The following ZNF804B variants were observed in gnomAD, a reference collection of about 807,000 sequenced individuals.
The protein encoded by ZNF804B is zinc finger 804B.
ZNF804B carries 80 observed loss-of-function variants against 101.4 expected under a neutral mutation model. That is an observed-to-expected ratio of 0.79 (90% CI 0.66 to 0.95). The LOEUF (loss-of-function observed/expected upper bound fraction) is 0.95. Ranked by LOEUF, ZNF804B falls within the 40% of genes least tolerant of loss-of-function variation. ZNF804B has a pLI of 0.00. For synonymous variants in ZNF804B, 622 were observed against 558.8 expected (o/e 1.11, Z -1.59); for missense variants, 1,673 against 1,561.9 (o/e 1.07, Z -1.20).
chr7:89,281,772 C>T (rs1198021965), intron 2 of ZNF804B, among the ~76,000 whole-genome samples: 1 of 151,826 alleles, frequency 6.6e-6, no homozygotes. Context: ...GGTAAGAAAC[C>T]CAAAGTAAGA....
At chr7:88,844,454 TG>T (rs1185267077) in intron 1 of ZNF804B, among the ~76,000 whole-genome samples, 1 of 152,226 alleles carries the variant, frequency 6.6e-6, no homozygotes, top group Non-Finnish European at 1.5e-5. Context: ...ATTCCTTCTT[TG>T]GCCTCATAGT....
At chr7:88,934,719 CAATT>C (rs1359313181) in intron 1 of ZNF804B, among the ~76,000 whole-genome samples, 1 of 151,602 alleles carries the variant, frequency 6.6e-6, no homozygotes, top group African/African-American at 2.4e-5. Flanking sequence ...AAAGTGGTAA[CAATT>C]AAAAAGTAAA....
chr7:89,317,343 G>A (rs1790748611), intron 2 of ZNF804B, among the ~76,000 whole-genome samples: 2 of 152,308 alleles, frequency 1.3e-5, no homozygotes, highest in African/African-American at 2.4e-5. Flanking sequence ...AGTCTGCAAT[G>A]ACTAGGAAGA....
At chr7:89,256,137 T>C (rs1481504795) in intron 2 of ZNF804B, among the ~76,000 whole-genome samples, 1 of 152,208 alleles carries the variant, frequency 6.6e-6, no homozygotes, top group Non-Finnish European at 1.5e-5. Flanking sequence ...AGCAAATTCA[T>C]AATCATGTAC....
At chr7:89,271,496 G>A (rs189884678) in intron 2 of ZNF804B, among the ~76,000 whole-genome samples, 129 of 152,162 alleles carry the variant, frequency 8.5e-4, no homozygotes, top group African/African-American at 3.0e-3. Context: ...TTTTTGCATC[G>A]ATGTTCATCA....
chr7:88,990,754 T>C (rs1793833158), intron 1 of ZNF804B, among the ~76,000 whole-genome samples: 1 of 152,186 alleles, frequency 6.6e-6, no homozygotes, highest in Non-Finnish European at 1.5e-5. Flanking sequence ...ACACTTTTAC[T>C]GTATGAGTTT....
At chr7:88,863,007 T>G (rs73200664) in intron 1 of ZNF804B, among the ~76,000 whole-genome samples, 29,193 of 152,040 alleles carry the variant, frequency 0.19, 3,076 homozygotes, top group African/African-American at 0.3. Context: ...TAATATCTAT[T>G]AGTGGCCATG....
intron 1 of ZNF804B, among the ~76,000 whole-genome samples, chr7:88,976,243 G>C (rs549236773): frequency 2.0e-5 from 3 of 151,464 alleles, no homozygotes; most frequent in African/African-American, 7.3e-5. Context: ...GTTTTTTATG[G>C]TCCTATAACA....
intron 1 of ZNF804B, among the ~76,000 whole-genome samples, chr7:88,998,002 C>G (rs527637304): frequency 4.1e-4 from 63 of 152,176 alleles, no homozygotes; most frequent in Non-Finnish European, 6.8e-4. Flanking sequence ...CCTACCACGC[C>G]TGGAAAGGGC....
rs965663851 is a variant in ZNF804B, at chr7:88,759,727, C to T, written c.-250C>T. 3.8e-6 allele frequency: 2 copies of T among 528,584 alleles called. No individual in the cohort carries two copies. The highest frequency in any genetic ancestry group is 3.8e-5 in the African/African-American group (2 of 52,334). 32.7% of individuals were successfully genotyped at this position (528,584 alleles called of 1,614,324 possible). Reference sequence around the variant, plus strand: ...CCACCTCGTCAGAGCAGCATGTGGACTGGCTCGCCGGGTCCCCTCCGTGCT... The same window carrying T: ...CCACCTCGTCAGAGCAGCATGTGGATTGGCTCGCCGGGTCCCCTCCGTGCT... On this transcript the variant is annotated 5_prime_UTR_variant, in exon 1 of 4. Coordinates refer to ENST00000333190, the MANE Select transcript of ZNF804B (RefSeq NM_181646.5).
intron 1 of ZNF804B, among the ~76,000 whole-genome samples, chr7:89,195,933 G>A (rs1026570979): frequency 6.6e-6 from 1 of 152,132 alleles, no homozygotes; most frequent in African/African-American, 2.4e-5. Flanking sequence ...ATTATTCCAT[G>A]CTCATGAATA....
At chr7:89,065,107 C>G (rs1473140893) in intron 1 of ZNF804B, among the ~76,000 whole-genome samples, 3 of 152,138 alleles carry the variant, frequency 2.0e-5, no homozygotes, top group African/African-American at 7.2e-5. Flanking sequence ...CTTCCATGAG[C>G]CACCTGTCAA....
rs551261212 is a variant in ZNF804B at position 89,216,527 on chromosome 7, A to C, written c.109-1628A>C. Among the ~76,000 whole-genome samples the C allele has an allele frequency of 8.5e-5, 13 of 152,248 alleles. No individual in the cohort carries two copies. In the South Asian group the frequency reaches 2.1e-3, roughly 24 times the overall value. Reference sequence around the variant, plus strand: ...TCTCATTACTGGCTACAGCCTGTCCACTAATTTTTTATATCCTCCATTATT... The same window carrying C: ...TCTCATTACTGGCTACAGCCTGTCCCCTAATTTTTTATATCCTCCATTATT... On this transcript the variant is annotated intron_variant, in intron 1 of 3. Coordinates refer to ENST00000333190, the MANE Select transcript of ZNF804B (RefSeq NM_181646.5).
At chr7:89,258,065 A>G (rs764266170) in intron 2 of ZNF804B, among the ~76,000 whole-genome samples, 2 of 152,128 alleles carry the variant, frequency 1.3e-5, no homozygotes, top group African/African-American at 2.4e-5. Flanking sequence ...AAGACTGAAC[A>G]TATTTGGAAA....
intron 1 of ZNF804B, among the ~76,000 whole-genome samples, chr7:89,092,273 A>G (rs1290239552): frequency 3.3e-5 from 5 of 151,606 alleles, no homozygotes; most frequent in African/African-American, 9.7e-5. Context: ...CAAAGTCCCT[A>G]CCTTCTAAAA....
At chr7:89,028,705 T>C (rs1788786053) in intron 1 of ZNF804B, among the ~76,000 whole-genome samples, 1 of 152,134 alleles carries the variant, frequency 6.6e-6, no homozygotes, top group Non-Finnish European at 1.5e-5. Context: ...GCTGACCCTT[T>C]TACAGTGATT....
In ZNF804B at chr7:89,208,374, G is replaced by A. The variant is rs575253747; in HGVS notation, c.109-9781G>A. Among the ~76,000 whole-genome samples, 19 of 152,238 alleles carry A rather than the reference G, an allele frequency of 1.2e-4. No homozygotes were observed. In the South Asian group the frequency reaches 1.5e-3, roughly 12 times the overall value. On this transcript the variant is annotated intron_variant, in intron 1 of 3. Transcript: ENST00000333190. ...TGGGATTACAGGCATGAGCCACCGC[G>A]CCTAGCCCTGTTTTATTGGTTGTTA...
chr7:89,202,928 A>G (rs1788665769), intron 1 of ZNF804B, among the ~76,000 whole-genome samples: 2 of 152,130 alleles, frequency 1.3e-5, no homozygotes, highest in Admixed American at 1.3e-4. Flanking sequence ...TTGTAGCTAC[A>G]ATAGACGTAT....
intron 1 of ZNF804B, among the ~76,000 whole-genome samples, chr7:88,986,822 A>G (rs1181185345): frequency 2.6e-5 from 4 of 152,122 alleles, no homozygotes; most frequent in Non-Finnish European, 5.9e-5. Context: ...GGCCTCTTCC[A>G]TCCTACAAAA....
Sources: gnomAD v4.1 joint callset for allele counts (sites outside exome capture counted in the v4.1 genomes callset) on GRCh38, gnomAD v4.1.1 for gene constraint, MANE v1.5 for transcripts, NCBI Gene and HGNC (gene_info 2026-07-23, HGNC 2026-07-21) for gene names.